Variants in SMAD3 observed in about 807,000 individuals in gnomAD.
SMAD3 encodes the protein SMAD family member 3, also known as MAD homolog 3.
A neutral mutation model predicts 51.8 loss-of-function variants in SMAD3; 12 were observed. That is an observed-to-expected ratio of 0.23 (90% CI 0.15 to 0.38). The LOEUF (loss-of-function observed/expected upper bound fraction) is 0.38, where lower values mean the gene tolerates loss of function less well. SMAD3 is among the 10% of genes least tolerant of loss of function. The pLI is 1.00. For synonymous variants in SMAD3, 238 were observed against 227.7 expected (o/e 1.05, Z -0.41); for missense variants, 294 against 565.6 (o/e 0.52, Z 4.87).
At position 67,191,618 on chromosome 15, in the gene SMAD3, C is replaced by CT. The variant is rs1963366897; in HGVS notation, c.*1083dup. The CT allele has an allele frequency of 4.3e-6, 1 of 233,166 alleles. No individual in the cohort carries two copies. 14.4% of individuals were successfully genotyped at this position (233,166 alleles called of 1,614,324 possible). The stretch of plus-strand genomic sequence containing the variant: ...CAGCAACTGCTTCTCTCCCTTCTCT[C>CT]TCCTGAGGTGAAGCTTTTCCAGGTT... On this transcript the variant is annotated 3_prime_UTR_variant, in exon 9 of 9. Transcript: ENST00000327367.
intron 4 of SMAD3, among the ~76,000 whole-genome samples, chr15:67,168,434 G>A (rs993341619): frequency 2.0e-5 from 3 of 152,214 alleles, no homozygotes; most frequent in South Asian, 2.1e-4. Flanking sequence ...CCAAGTGACC[G>A]CTGCAAGCTT....
Position 67,066,024 on chromosome 15 carries a change from TCGC to T in SMAD3, c.-128_-126del. The T allele has an allele frequency of 2.5e-6, 1 of 396,518 alleles. No individual in the cohort carries two copies. Among genetic ancestry groups the T allele is most frequent in the Non-Finnish European group, 4.1e-6 (1 of 244,570 alleles). 24.6% of individuals were successfully genotyped at this position (396,518 alleles called of 1,614,324 possible). On this transcript the variant is annotated 5_prime_UTR_variant, in exon 1 of 9. Transcript: ENST00000327367. The stretch of plus-strand genomic sequence containing the variant: ...GGCCCGGCCCGGCGCCCCGGCAACT[TCGC>T]CGAGAGTTGAGGCGAAGTTTGGGCG...
chr15:67,142,864 G>T (rs1384785417), intron 1 of SMAD3: 1 of 454,750 alleles, frequency 2.2e-6, no homozygotes, highest in East Asian at 7.0e-5. Context: ...TGGAACACAG[G>T]GACATGATCC....
chr15:67,135,817 C>T (rs141543024), intron 1 of SMAD3, among the ~76,000 whole-genome samples: 120 of 152,284 alleles, frequency 7.9e-4, no homozygotes, highest in African/African-American at 2.7e-3. Context: ...ATTTGAATTA[C>T]GGGCAAGTGG....
At chr15:67,121,556 C>T (rs893614931) in intron 1 of SMAD3, among the ~76,000 whole-genome samples, 18 of 152,012 alleles carry the variant, frequency 1.2e-4, no homozygotes, top group Non-Finnish European at 1.8e-4. Context: ...TTGTACTGGG[C>T]GTTTAGGGTT....
At chr15:67,086,281 T>C (rs1473457179) in intron 1 of SMAD3, among the ~76,000 whole-genome samples, 1 of 152,158 alleles carries the variant, frequency 6.6e-6, no homozygotes, top group Non-Finnish European at 1.5e-5. Flanking sequence ...TCCCTGCTGC[T>C]TTGGTGAGAG....
chr15:67,166,647 A>C (rs1962597447), intron 3 of SMAD3, 132 bp from the exon 4 acceptor site: 2 of 719,892 alleles, frequency 2.8e-6, no homozygotes, highest in Non-Finnish European at 5.1e-6. Flanking sequence ...TGGAACCTCT[A>C]CTCCAAGACC....
At position 67,065,811 on chromosome 15, in the gene SMAD3, G is replaced by C; in HGVS notation, c.-344G>C. 1 of 209,230 alleles carries C rather than the reference G, an allele frequency of 4.8e-6. No individual in the cohort carries two copies. Among genetic ancestry groups the C allele is most frequent in the Non-Finnish European group, 9.7e-6 (1 of 102,708 alleles). 13.0% of individuals were successfully genotyped at this position (209,230 alleles called of 1,614,324 possible). ...CCTTCCCGGAGGCGGCACCCAAACA[G>C]CTACCCCGTGCGGAAACCCAAACTT... is the stretch of plus-strand genomic sequence containing the variant. On this transcript the variant is annotated 5_prime_UTR_variant, in exon 1 of 9. Coordinates refer to ENST00000327367, the MANE Select transcript of SMAD3 (RefSeq NM_005902.4).
intron 1 of SMAD3, among the ~76,000 whole-genome samples, chr15:67,105,110 T>C (rs1320950737): frequency 6.6e-6 from 1 of 152,208 alleles, no homozygotes; most frequent in Non-Finnish European, 1.5e-5. Flanking sequence ...GCCCTTTCTT[T>C]CCAAAGAAAG....
At chr15:67,108,879 A>G (rs183548348) in intron 1 of SMAD3, among the ~76,000 whole-genome samples, 2 of 152,322 alleles carry the variant, frequency 1.3e-5, no homozygotes, top group African/African-American at 4.8e-5. Flanking sequence ...AAAGTGGAAA[A>G]CCAGAGATTG....
intron 6 of SMAD3, among the ~76,000 whole-genome samples, chr15:67,182,994 AAAAAAAATATATAT>A (rs1474162767): frequency 3.6e-5 from 2 of 55,432 alleles, no homozygotes; most frequent in East Asian, 5.6e-4. Flanking sequence ...ATTAAAAAAA[AAAAAAAATATATAT>A]ATATATATAT....
At chr15:67,135,765 G>A (rs1595920520) in intron 1 of SMAD3, among the ~76,000 whole-genome samples, 1 of 152,122 alleles carries the variant, frequency 6.6e-6, no homozygotes, top group African/African-American at 2.4e-5. Flanking sequence ...TTGGTGGTGG[G>A]GTATGTGTGT....
chr15:67,173,697 G>C (rs958631816), intron 5 of SMAD3, among the ~76,000 whole-genome samples: 6 of 152,132 alleles, frequency 3.9e-5, no homozygotes, highest in African/African-American at 1.4e-4. Context: ...GCCACTGTGT[G>C]GAATCTAAAT....
intron 1 of SMAD3, among the ~76,000 whole-genome samples, chr15:67,133,442 G>C (rs1240711298): frequency 1.3e-5 from 2 of 151,934 alleles, no homozygotes; most frequent in African/African-American, 4.8e-5. Flanking sequence ...TGGGGGATGG[G>C]CTGCGTTTCT....
chr15:67,120,372 T>A (rs1368919713), intron 1 of SMAD3, among the ~76,000 whole-genome samples: 2 of 152,206 alleles, frequency 1.3e-5, no homozygotes, highest in East Asian at 3.9e-4. Context: ...CTTATACACA[T>A]GCCATGCTGT....
chr15:67,150,400 A>T (rs570030343), intron 1 of SMAD3, among the ~76,000 whole-genome samples: 1 of 152,320 alleles, frequency 6.6e-6, no homozygotes, highest in South Asian at 2.1e-4. Flanking sequence ...ATTTGTTTTG[A>T]TAGAACAAGG....
At chr15:67,078,876 C>G (rs1960223885) in intron 1 of SMAD3, among the ~76,000 whole-genome samples, 2 of 152,156 alleles carry the variant, frequency 1.3e-5, no homozygotes, top group African/African-American at 4.8e-5. Flanking sequence ...AATGACCTCC[C>G]TCAAGGAGGG....
rs868262277 is a variant in SMAD3 at position 67,152,776 on chromosome 15, A to G, written c.207-12119A>G. The stretch of plus-strand genomic sequence containing the variant: ...CTTTTATTTGTGACTTGAAAGTTCT[A>G]TGATCCTGCTGACACTCAAGAAAAA... On this transcript the variant is annotated intron_variant, in intron 1 of 8. Transcript: ENST00000327367. Among the ~76,000 whole-genome samples the G allele has an allele frequency of 8.5e-5, 13 of 152,306 alleles. No homozygotes were observed. In the Middle Eastern group the frequency reaches 0.027, roughly 319 times the overall value.
Position 67,100,242 on chromosome 15 carries a change from A to G in SMAD3, c.206+33882A>G, listed in dbSNP as rs1369375691. Among the ~76,000 whole-genome samples the G allele has an allele frequency of 2.6e-5, 4 of 151,986 alleles. 1 individual carries two copies. The South Asian group carries it at 6.2e-4, about 24-fold the overall frequency. On this transcript the variant is annotated intron_variant, in intron 1 of 8. Coordinates refer to ENST00000327367, the MANE Select transcript of SMAD3 (RefSeq NM_005902.4). Reference sequence around the variant, plus strand: ...CACAACATGGGTGAATCTTGAAAACATTGTGCTGAGTTGAAGAATTCAGAC... The same window carrying G: ...CACAACATGGGTGAATCTTGAAAACGTTGTGCTGAGTTGAAGAATTCAGAC...
Sources: gnomAD v4.1 joint callset for allele counts (sites outside exome capture counted in the v4.1 genomes callset) on GRCh38, gnomAD v4.1.1 for gene constraint, MANE v1.5 for transcripts, NCBI Gene and HGNC (gene_info 2026-07-23, HGNC 2026-07-21) for gene names.